The following NCLN variants were observed in gnomAD, a reference collection of about 807,000 sequenced individuals.
NCLN encodes the protein nicalin.
Under a neutral mutation model 69.5 loss-of-function variants are expected in NCLN, and 34 were observed. The observed-to-expected ratio is 0.49, with a 90% CI of 0.37 to 0.65. The LOEUF (loss-of-function observed/expected upper bound fraction) is 0.65. NCLN is among the 30% of genes least tolerant of loss of function. NCLN has a pLI of 0.00. For missense variants in NCLN, 710 were observed against 804.8 expected, an observed-to-expected ratio of 0.88 and a Z score of 1.42; for synonymous variants, 393 against 358.3, an observed-to-expected ratio of 1.10 and a Z score of -1.09.
In NCLN at chr19:3,208,613, G is replaced by A. The variant is rs1406354567; in HGVS notation, c.*925G>A. The stretch of plus-strand genomic sequence containing the variant: ...GGCCATCCAGGCTTTGCCACGGCCA[G>A]TTGGTCCTCCCTGGGGAACTGGGTG... On this transcript the variant is annotated 3_prime_UTR_variant, in exon 15 of 15. Coordinates refer to ENST00000246117, the MANE Select transcript of NCLN (RefSeq NM_020170.4). 6.6e-6 allele frequency: 1 copy of A among 152,506 alleles called. No individual in the cohort carries two copies. The highest frequency in any genetic ancestry group is 1.5e-5 in the Non-Finnish European group (1 of 68,232). The allele number at this position is 152,506 out of a possible 1,614,324, so 9.4% of individuals were successfully genotyped here. A position where few individuals can be genotyped will look rare whatever the true frequency, so the allele number is the denominator to read the frequency against.
chr19:3,207,069 C>T, intron 12 of NCLN, 129 bp from the exon 13 acceptor site: 2 of 1,038,736 alleles, frequency 1.9e-6, no homozygotes, highest in Non-Finnish European at 3.0e-6. Flanking sequence ...AGTGATCCGC[C>T]TGCCTCAACC....
chr19:3,193,116 C>T (rs967902799), intron 2 of NCLN, among the ~76,000 whole-genome samples, 168 bp from the exon 3 acceptor site: 3 of 148,084 alleles, frequency 2.0e-5, no homozygotes, highest in Admixed American at 6.8e-5. Flanking sequence ...ATGCCGCCCT[C>T]TGAGGGCCTG....
At chr19:3,198,635 A>G (rs1030465390) in intron 4 of NCLN, among the ~76,000 whole-genome samples, 182 bp from the exon 5 acceptor site, 1 of 151,792 alleles carries the variant, frequency 6.6e-6, no homozygotes, top group African/African-American at 2.4e-5. Context: ...TCCTCCCTGG[A>G]GGAGCTCCCT....
At chr19:3,195,667 T>C (rs1000912120) in intron 3 of NCLN, among the ~76,000 whole-genome samples, 3 of 152,122 alleles carry the variant, frequency 2.0e-5, no homozygotes, top group African/African-American at 4.8e-5. Flanking sequence ...GCTCATTGCC[T>C]GTAATCTTAG....
intron 4 of NCLN, among the ~76,000 whole-genome samples, chr19:3,197,280 T>G (rs1915989319): frequency 1.3e-5 from 2 of 152,210 alleles, no homozygotes; most frequent in Admixed American, 1.3e-4. Flanking sequence ...CTTTCTCCTG[T>G]GAGCAGAGCC....
In NCLN at chr19:3,204,018, T is replaced by G; in HGVS notation, c.903T>G (p.Leu301=). 1 of 1,572,770 alleles carries G rather than the reference T, an allele frequency of 6.4e-7. No individual in the cohort carries two copies. The highest frequency in any genetic ancestry group is 8.6e-7 in the Non-Finnish European group (1 of 1,159,248). ...GGTGTCCTGCAGACTCCAGCCTGCTTCAGGACAATGTGGCCTTCGTGCTGT... is the reference window on the plus strand; with the variant it reads ...GGTGTCCTGCAGACTCCAGCCTGCTGCAGGACAATGTGGCCTTCGTGCTGT... ...DNLDHTDSSL[L]QDNVAFVLCL... is the part of the protein sequence containing the mutation. Residue 301 remains leucine (L), a synonymous_variant, in exon 8 of 15, where the codon CTT becomes CTG. Transcript: ENST00000246117.
intron 6 of NCLN, 71 bp downstream of exon 6, chr19:3,201,697 A>G (rs311625): frequency 0.5 from 620,472 of 1,232,310 alleles, 164,351 homozygotes; most frequent in East Asian, 0.88. Context: ...CCCACCAGGC[A>G]CCTCTGCAGA....
At chr19:3,200,371 C>T (rs567548258) in intron 5 of NCLN, among the ~76,000 whole-genome samples, 5 of 133,538 alleles carry the variant, frequency 3.7e-5, no homozygotes, top group East Asian at 4.8e-4. Context: ...AGTGTAGTGG[C>T]GAGATCTGGG....
At chr19:3,193,605 G>T (rs1415675878) in intron 3 of NCLN, among the ~76,000 whole-genome samples, 177 bp downstream of exon 3, 1 of 152,210 alleles carries the variant, frequency 6.6e-6, no homozygotes, top group African/African-American at 2.4e-5. Context: ...CCACCTCCGG[G>T]CTGGGACCTG....
chr19:3,190,353 T>C (rs540938126), intron 1 of NCLN, among the ~76,000 whole-genome samples: 5 of 152,186 alleles, frequency 3.3e-5, no homozygotes, highest in Non-Finnish European at 4.4e-5. Context: ...GCTGGTTCTC[T>C]GTGCCCACCT....
At chr19:3,186,987 C>T (rs1182960963) in intron 1 of NCLN, among the ~76,000 whole-genome samples, 1 of 152,186 alleles carries the variant, frequency 6.6e-6, no homozygotes, top group Non-Finnish European at 1.5e-5. Flanking sequence ...CCCAGCTTCC[C>T]TGGTCTCCTC....
chr19:3,206,669 C>T (rs1047971067), intron 12 of NCLN, among the ~76,000 whole-genome samples: 4 of 152,142 alleles, frequency 2.6e-5, no homozygotes, highest in African/African-American at 4.8e-5. Context: ...AACCTCATCC[C>T]TACTAAAAAT....
rs779965214 is a variant in NCLN, at chr19:3,204,575, G to T, written c.1032G>T (p.Val344=). 6.5e-7 allele frequency: 1 copy of T among 1,531,698 alleles called. No individual in the cohort carries two copies. The highest frequency in any genetic ancestry group is 8.8e-7 in the Non-Finnish European group (1 of 1,137,506). 94.9% of individuals were successfully genotyped at this position (1,531,698 alleles called of 1,614,324 possible). Residue 344 remains valine (V), a splice_region_variant and synonymous_variant, in exon 9 of 15, where the codon GTG becomes GTT. Transcript: ENST00000246117. ...GCTAATGGCGCCTCCGGCTGCAGGT[G>T]GCCGCGCACCAGTTCCCTGAGGTAC... ...QHAFLRELET[V]AAHQFPEVRF... is the part of the protein sequence containing the mutation.
In NCLN at chr19:3,185,954, G is replaced by T. The variant is rs551322599; in HGVS notation, c.-77G>T. On this transcript the variant is annotated 5_prime_UTR_variant, in exon 1 of 15. Transcript: ENST00000246117. ...CAGGACCCCGGCGGCTACCCATGCCGAGGTGAGTCCGCGGGAGCCGCCGCC... is the reference window on the plus strand; with the variant it reads ...CAGGACCCCGGCGGCTACCCATGCCTAGGTGAGTCCGCGGGAGCCGCCGCC... 2.0e-4 allele frequency: 246 copies of T among 1,209,624 alleles called. 1 individual carries two copies. In the African/African-American group the frequency reaches 3.6e-3, roughly 18 times the overall value. 74.9% of individuals were successfully genotyped at this position (1,209,624 alleles called of 1,614,324 possible). A position where few individuals can be genotyped will look rare whatever the true frequency, so the allele number is the denominator to read the frequency against.
At position 3,205,730 on chromosome 19, in the gene NCLN, G is replaced by C. The variant is rs1568315644; in HGVS notation, c.1209-209G>C. ...TGAGCCTTACCTGCGCACAGGGACG[G>C]GTCAGGGCAAGGGGCCTGGAGGTGT... On this transcript the variant is annotated intron_variant, in intron 9 of 14. Transcript: ENST00000246117. The surrounding 1 kb of genome is among the most constrained non-coding windows in gnomAD (Gnocchi z 4.6). 1 of 580,992 alleles carries C rather than the reference G, an allele frequency of 1.7e-6. No individual in the cohort carries two copies. Among genetic ancestry groups the C allele is most frequent in the Non-Finnish European group, 3.0e-6 (1 of 327,942 alleles). 36.0% of individuals were successfully genotyped at this position (580,992 alleles called of 1,614,324 possible).
chr19:3,185,989 C>T lies in NCLN; in HGVS notation c.-42C>T. The T allele has an allele frequency of 7.0e-7, 1 of 1,436,208 alleles. No individual in the cohort carries two copies. Among genetic ancestry groups the T allele is most frequent in the Non-Finnish European group, 9.1e-7 (1 of 1,093,182 alleles). The allele number at this position is 1,436,208 out of a possible 1,614,324, so 89.0% of individuals were successfully genotyped here. A position where few individuals can be genotyped will look rare whatever the true frequency, so the allele number is the denominator to read the frequency against. On this transcript the variant is annotated 5_prime_UTR_variant, in exon 1 of 15. Coordinates refer to ENST00000246117, the MANE Select transcript of NCLN (RefSeq NM_020170.4). ...CGCGGGAGCCGCCGCCGCCGCCGTC[C>T]CGTCCCAGCTGCCGCCCCGCGCGGC...
rs1915653699 is a variant in NCLN at position 3,185,955 on chromosome 19, A to C, written c.-76A>C. On this transcript the variant is annotated 5_prime_UTR_variant, in exon 1 of 15. Coordinates refer to ENST00000246117, the MANE Select transcript of NCLN (RefSeq NM_020170.4). Reference sequence around the variant, plus strand: ...AGGACCCCGGCGGCTACCCATGCCGAGGTGAGTCCGCGGGAGCCGCCGCCG... The same window carrying C: ...AGGACCCCGGCGGCTACCCATGCCGCGGTGAGTCCGCGGGAGCCGCCGCCG... 1 of 1,203,006 alleles carries C rather than the reference A, an allele frequency of 8.3e-7. No individual in the cohort carries two copies. The highest frequency in any genetic ancestry group is 1.1e-6 in the Non-Finnish European group (1 of 930,898). 74.5% of individuals were successfully genotyped at this position (1,203,006 alleles called of 1,614,324 possible).
At chr19:3,204,444 C>A in intron 8 of NCLN, 129 bp from the exon 9 acceptor site, 1 of 1,068,890 alleles carries the variant, frequency 9.4e-7, no homozygotes, top group East Asian at 2.9e-5. Context: ...AGGGGGACCC[C>A]GGGGGCAGGT....
At chr19:3,190,824 G>T (rs899127802) in intron 1 of NCLN, among the ~76,000 whole-genome samples, 1 of 152,136 alleles carries the variant, frequency 6.6e-6, no homozygotes, top group Non-Finnish European at 1.5e-5. Flanking sequence ...CTTGTGCAGC[G>T]CTGAGATGTT....
Sources: gnomAD v4.1 joint callset for allele counts (sites outside exome capture counted in the v4.1 genomes callset) on GRCh38, gnomAD v4.1.1 for gene constraint, Gnocchi (gnomAD v3.1) non-coding constraint, MANE v1.5 for transcripts, NCBI Gene and HGNC (gene_info 2026-07-23, HGNC 2026-07-21) for gene names.